Variants in SNAP25 observed in about 807,000 individuals in gnomAD.
The protein encoded by SNAP25 is synaptosomal-associated protein 25.
SNAP25 carries 3 observed loss-of-function variants against 28.7 expected under a neutral mutation model. That is an observed-to-expected ratio of 0.10 (90% confidence interval 0.05 to 0.27). The LOEUF (loss-of-function observed/expected upper bound fraction) is 0.27. SNAP25 is among the 10% of genes least tolerant of loss of function. SNAP25 has a pLI of 1.00. For synonymous variants in SNAP25, 61 were observed against 88.1 expected (o/e 0.69, Z 1.72); for missense variants, 117 against 278.7 (o/e 0.42, Z 4.13).
chr20:10,283,643 G>A (rs2063820954), intron 3 of SNAP25, among the ~76,000 whole-genome samples: 1 of 152,088 alleles, frequency 6.6e-6, no homozygotes, highest in East Asian at 1.9e-4. Context: ...TTTTTTAAAA[G>A]CACTTTGTTG....
intron 7 of SNAP25, among the ~76,000 whole-genome samples, chr20:10,304,509 A>G (rs1303716967): frequency 1.3e-5 from 2 of 152,220 alleles, no homozygotes; most frequent in African/African-American, 4.8e-5. Context: ...TAAGCTGGAG[A>G]AAAGAAAATG....
At chr20:10,304,366 T>C (rs565094393) in intron 7 of SNAP25, among the ~76,000 whole-genome samples, 2 of 152,182 alleles carry the variant, frequency 1.3e-5, no homozygotes, top group Admixed American at 6.5e-5. Flanking sequence ...TCAACCCCCA[T>C]GCAGCTGAAA....
chr20:10,287,314 A>T (rs979181151), intron 4 of SNAP25, among the ~76,000 whole-genome samples: 1 of 152,278 alleles, frequency 6.6e-6, no homozygotes, highest in Middle Eastern at 3.4e-3. Context: ...ATTTACAAGA[A>T]AAAAACAAAT....
intron 3 of SNAP25, among the ~76,000 whole-genome samples, chr20:10,278,931 G>A (rs1249009797): frequency 2.8e-5 from 4 of 141,048 alleles, no homozygotes; most frequent in African/African-American, 7.8e-5. Flanking sequence ...GGTGGGGCGG[G>A]GGGTGGGAGG....
At chr20:10,234,805 C>T (rs1390086309) in intron 1 of SNAP25, among the ~76,000 whole-genome samples, 1 of 152,076 alleles carries the variant, frequency 6.6e-6, no homozygotes, top group East Asian at 1.9e-4. Flanking sequence ...TTTGTTCTTC[C>T]CATGGATCCC....
intron 1 of SNAP25, among the ~76,000 whole-genome samples, chr20:10,267,435 A>G (rs565168780): frequency 7.5e-4 from 115 of 152,362 alleles, no homozygotes; most frequent in African/African-American, 2.6e-3. Context: ...ATATAGGTAG[A>G]GATGATAAAC....
At chr20:10,285,538 A>G (rs975958222) in intron 4 of SNAP25, among the ~76,000 whole-genome samples, 39 of 152,196 alleles carry the variant, frequency 2.6e-4, no homozygotes, top group Non-Finnish European at 4.0e-4. Context: ...ATTTCTGCAA[A>G]GTTTTTTTCT....
intron 7 of SNAP25, among the ~76,000 whole-genome samples, chr20:10,300,202 G>A (rs555502048): frequency 5.9e-5 from 9 of 151,812 alleles, no homozygotes; most frequent in Non-Finnish European, 1.2e-4. Flanking sequence ...TGGGTTTGGG[G>A]GCTTAAAATT....
intron 1 of SNAP25, among the ~76,000 whole-genome samples, chr20:10,255,775 T>A (rs1049311854): frequency 6.6e-6 from 1 of 152,250 alleles, no homozygotes; most frequent in Non-Finnish European, 1.5e-5. Flanking sequence ...CCTTTGTTAA[T>A]ATGGCTTTGA....
chr20:10,243,916 T>G (rs1008673816), intron 1 of SNAP25, among the ~76,000 whole-genome samples: 3 of 151,666 alleles, frequency 2.0e-5, no homozygotes, highest in Non-Finnish European at 4.4e-5. Context: ...CACCAAACTA[T>G]CTTCATCTCT....
In SNAP25 at chr20:10,284,872, C is replaced by G; in HGVS notation, c.163+100C>G. On this transcript the variant is annotated intron_variant, in intron 4 of 7. Coordinates refer to ENST00000254976, the MANE Select transcript of SNAP25 (RefSeq NM_130811.4). ...CAGATGGTCGCTTTGACATGTGTTA[C>G]ACATGTACACGAATGTGAGGGTTCT... is the stretch of plus-strand genomic sequence containing the variant. 4.5e-6 allele frequency: 4 copies of G among 888,920 alleles called. 1 individual carries two copies. The South Asian group carries it at 5.7e-5, about 13-fold the overall frequency. 55.1% of individuals were successfully genotyped at this position (888,920 alleles called of 1,614,324 possible). A position where few individuals can be genotyped will look rare whatever the true frequency, so the allele number is the denominator to read the frequency against.
intron 1 of SNAP25, among the ~76,000 whole-genome samples, chr20:10,246,589 C>G (rs544695983): frequency 6.6e-6 from 1 of 152,222 alleles, no homozygotes; most frequent in East Asian, 1.9e-4. Context: ...GCACACACAG[C>G]CTCAGTGAAA....
intron 1 of SNAP25, among the ~76,000 whole-genome samples, chr20:10,228,368 A>G (rs1206305247): frequency 6.6e-6 from 1 of 152,116 alleles, no homozygotes; most frequent in Non-Finnish European, 1.5e-5. Flanking sequence ...CCACCCCATA[A>G]ATTATCCCAT....
intron 1 of SNAP25, among the ~76,000 whole-genome samples, chr20:10,241,870 C>T (rs751593243): frequency 7.9e-5 from 12 of 152,180 alleles, no homozygotes; most frequent in Non-Finnish European, 1.6e-4. Context: ...CCTGGGGAGC[C>T]CTTGGAATTG....
Position 10,260,864 on chromosome 20 carries a change from CT to C in SNAP25, c.-63-14562del, listed in dbSNP as rs761920907. On this transcript the variant is annotated intron_variant, in intron 1 of 7. Transcript: ENST00000254976. ...ACATCCATTAGGTTAATTAGTAAAC[CT>C]TTCCATAGATCACAGGCAAAAGGAG... Among the ~76,000 whole-genome samples the C allele has an allele frequency of 5.4e-4, 82 of 152,060 alleles. 1 individual carries two copies. The highest frequency in any genetic ancestry group is 1.1e-3 in the Non-Finnish European group (74 of 68,010).
intron 4 of SNAP25, among the ~76,000 whole-genome samples, chr20:10,288,805 T>C (rs182162384): frequency 7.1e-4 from 107 of 151,596 alleles, no homozygotes; most frequent in African/African-American, 2.4e-3. Flanking sequence ...ATTTATAGTA[T>C]AATAGGAACT....
chr20:10,251,757 C>T (rs1439864166), intron 1 of SNAP25, among the ~76,000 whole-genome samples: 1 of 152,142 alleles, frequency 6.6e-6, no homozygotes, highest in African/African-American at 2.4e-5. Flanking sequence ...TATATCCCCT[C>T]AAGGTTCTAG....
intron 7 of SNAP25, among the ~76,000 whole-genome samples, chr20:10,300,483 C>T (rs1423831510): frequency 3.9e-5 from 6 of 152,108 alleles, no homozygotes; most frequent in African/African-American, 7.2e-5. Context: ...CCCTGGGAGA[C>T]GTTGAAGTTC....
intron 1 of SNAP25, among the ~76,000 whole-genome samples, chr20:10,261,291 T>C (rs1193660809): frequency 1.3e-5 from 2 of 152,182 alleles, no homozygotes; most frequent in East Asian, 3.9e-4. Context: ...GCTTTTTCTG[T>C]GGGCTTCCAG....
Sources: allele counts gnomAD v4.1 joint callset (sites outside exome capture counted in the v4.1 genomes callset), GRCh38; gene constraint gnomAD v4.1.1; transcripts MANE v1.5; gene names NCBI Gene and HGNC (gene_info 2026-07-23, HGNC 2026-07-21).